The following HPSE2 variants were observed in gnomAD, a reference collection of about 807,000 sequenced individuals.
HPSE2 encodes the protein inactive heparanase-2.
A neutral mutation model predicts 60.5 loss-of-function variants in HPSE2; 38 were observed. That is an observed-to-expected ratio of 0.63 (90% CI 0.48 to 0.82). The LOEUF (loss-of-function observed/expected upper bound fraction) is 0.82. Ranked by LOEUF, HPSE2 falls within the 40% of genes least tolerant of loss-of-function variation. HPSE2 has a pLI of 0.00. For synonymous variants in HPSE2, 295 were observed against 293.2 expected (o/e 1.01, Z -0.06); for missense variants, 713 against 740.4 (o/e 0.96, Z 0.43).
the HPSE2 span, among the ~76,000 whole-genome samples, chr10:99,282,448 T>C: frequency 1.3e-5 from 2 of 152,134 alleles, no homozygotes; most frequent in Admixed American, 6.6e-5. Context: ...ATAACTCACT[T>C]TCAATAATAG....
chr10:98,554,784 T>C (rs1943958451), intron 9 of HPSE2, among the ~76,000 whole-genome samples: 1 of 152,240 alleles, frequency 6.6e-6, no homozygotes, highest in Non-Finnish European at 1.5e-5. Flanking sequence ...CGTGTTAGTC[T>C]TGGTTCTGCC....
In HPSE2 at chr10:98,459,389, G is replaced by A; in HGVS notation, c.*185C>T. On this transcript the variant is annotated 3_prime_UTR_variant, in exon 12 of 12. Transcript: ENST00000370552. ...CTACATTTTCCTTTGGGATGGATGT[G>A]GCCTACCTAGGCTAAGATCACGCTA... The A allele has an allele frequency of 1.4e-6, 1 of 698,938 alleles. No homozygotes were observed. The highest frequency in any genetic ancestry group is 1.6e-5 in the South Asian group (1 of 61,752). The allele number at this position is 698,938 out of a possible 1,614,324, so 43.3% of individuals were successfully genotyped here.
chr10:98,857,928 T>A (rs529688519), intron 3 of HPSE2, among the ~76,000 whole-genome samples: 1 of 152,352 alleles, frequency 6.6e-6, no homozygotes, highest in African/African-American at 2.4e-5. Context: ...GTGAGGGCTG[T>A]ATTTTTATTT....
rs1943705150 is a variant in HPSE2, at chr10:98,547,065, C to T, written c.1321-56869G>A. The stretch of plus-strand genomic sequence containing the variant: ...AGACACATGAAAAAATGCTCATCAT[C>T]ACTGGCCATCAGAGAAATGCAAATC... On this transcript the variant is annotated intron_variant, in intron 9 of 11. Coordinates refer to ENST00000370552, the MANE Select transcript of HPSE2 (RefSeq NM_021828.5). 3.5e-5 allele frequency among the ~76,000 whole-genome samples: 5 copies of T among 142,342 alleles called. No individual in the cohort carries two copies. The South Asian group carries it at 1.2e-3, about 33-fold the overall frequency. 93.4% of individuals were successfully genotyped at this position (142,342 alleles called of 152,430 possible). A position where few individuals can be genotyped will look rare whatever the true frequency, so the allele number is the denominator to read the frequency against.
At chr10:98,541,364 C>T (rs892814309) in intron 9 of HPSE2, among the ~76,000 whole-genome samples, 5 of 152,168 alleles carry the variant, frequency 3.3e-5, no homozygotes, top group African/African-American at 4.8e-5. Context: ...GGAATAGCTC[C>T]GGTCTACAGC....
intron 2 of HPSE2, among the ~76,000 whole-genome samples, chr10:99,159,068 T>C (rs1244709469): frequency 6.6e-6 from 1 of 151,702 alleles, no homozygotes; most frequent in African/African-American, 2.4e-5. Flanking sequence ...CGTTCTCACA[T>C]CAATAATCAA....
the HPSE2 span, among the ~76,000 whole-genome samples, chr10:99,282,422 A>T: frequency 6.6e-6 from 1 of 152,242 alleles, no homozygotes; most frequent in Non-Finnish European, 1.5e-5. Context: ...TTCTATAATC[A>T]TAGTTAAAGA....
intron 3 of HPSE2, among the ~76,000 whole-genome samples, chr10:99,060,234 T>A (rs1184204001): frequency 6.6e-6 from 1 of 152,146 alleles, no homozygotes; most frequent in Non-Finnish European, 1.5e-5. Context: ...ATGTGTAATG[T>A]CAACTATGTA....
At chr10:99,139,869 C>T (rs914850615) in intron 3 of HPSE2, among the ~76,000 whole-genome samples, 1 of 152,152 alleles carries the variant, frequency 6.6e-6, no homozygotes, top group Non-Finnish European at 1.5e-5. Context: ...ACTGAATGTA[C>T]AGCACAACCC....
intron 9 of HPSE2, among the ~76,000 whole-genome samples, chr10:98,560,665 C>A (rs1417153130): frequency 1.3e-5 from 2 of 152,230 alleles, no homozygotes; most frequent in African/African-American, 2.4e-5. Context: ...ACAGCCATTT[C>A]CAATGTGCCA....
chr10:98,959,184 T>G (rs1377123479), intron 3 of HPSE2, among the ~76,000 whole-genome samples: 1 of 152,104 alleles, frequency 6.6e-6, no homozygotes, highest in African/African-American at 2.4e-5. Flanking sequence ...ATTCATATTT[T>G]CTAATGGAGT....
chr10:99,295,240 T>C, the HPSE2 span, among the ~76,000 whole-genome samples: 1 of 152,164 alleles, frequency 6.6e-6, no homozygotes, highest in Non-Finnish European at 1.5e-5. Flanking sequence ...AATAGAGAAA[T>C]TGACGTACCC....
intron 10 of HPSE2, 94 bp downstream of exon 10, chr10:98,489,957 G>C: frequency 6.8e-7 from 1 of 1,477,786 alleles, no homozygotes; most frequent in Non-Finnish European, 9.5e-7. Flanking sequence ...TTTTTGATAA[G>C]ATTAGTGAAT....
the HPSE2 span, among the ~76,000 whole-genome samples, chr10:99,268,470 C>T: frequency 1.3e-5 from 2 of 151,510 alleles, no homozygotes; most frequent in South Asian, 2.1e-4. Context: ...GGTGAAACCC[C>T]GTCTCAACTA....
At position 98,522,757 on chromosome 10, in the gene HPSE2, C is replaced by T. The variant is rs779027879; in HGVS notation, c.1321-32561G>A. Among the ~76,000 whole-genome samples, 6 of 152,194 alleles carry T rather than the reference C, an allele frequency of 3.9e-5. No homozygotes were observed. The East Asian group carries it at 5.8e-4, about 15-fold the overall frequency. On this transcript the variant is annotated intron_variant, in intron 9 of 11. Coordinates refer to ENST00000370552, the MANE Select transcript of HPSE2 (RefSeq NM_021828.5). ...CCTCCCAAACTGTTGGGATTACAGGCGTGAGCCACCGTGTCCCGCCTTCGT... is the reference window on the plus strand; with the variant it reads ...CCTCCCAAACTGTTGGGATTACAGGTGTGAGCCACCGTGTCCCGCCTTCGT...
intron 6 of HPSE2, among the ~76,000 whole-genome samples, chr10:98,664,494 C>T (rs1450361025): frequency 6.6e-6 from 1 of 152,084 alleles, no homozygotes; most frequent in Non-Finnish European, 1.5e-5. Flanking sequence ...ACAGTACCAC[C>T]GATCAGAAGG....
the HPSE2 span, among the ~76,000 whole-genome samples, chr10:99,253,245 A>G: frequency 1.3e-5 from 2 of 152,248 alleles, no homozygotes; most frequent in African/African-American, 4.8e-5. Context: ...TAATAAGGCT[A>G]TGGCAACCAA....
chr10:98,873,884 G>A (rs1009205676), intron 3 of HPSE2, among the ~76,000 whole-genome samples: 1 of 151,786 alleles, frequency 6.6e-6, no homozygotes, highest in South Asian at 2.1e-4. Flanking sequence ...ATCTATTCTT[G>A]ACTTTTTAAT....
Position 98,482,624 on chromosome 10 carries a change from G to A in HPSE2, c.1613+12C>T, listed in dbSNP as rs756379581. The A allele has an allele frequency of 6.2e-7, 1 of 1,614,056 alleles. No homozygotes were observed. The highest frequency in any genetic ancestry group is 1.1e-5 in the South Asian group (1 of 91,076). ...GCACTTGCTCCCGAGCTATTTTCAG[G>A]TTGGCACGTACTTGGACTTTAGGCC... On this transcript the variant is annotated intron_variant, in intron 11 of 11. Coordinates refer to ENST00000370552, the MANE Select transcript of HPSE2 (RefSeq NM_021828.5).
Sources: gnomAD v4.1 joint callset for allele counts (sites outside exome capture counted in the v4.1 genomes callset) on GRCh38, gnomAD v4.1.1 for gene constraint, MANE v1.5 for transcripts, NCBI Gene and HGNC (gene_info 2026-07-23, HGNC 2026-07-21) for gene names.